The following KIF20A variants were observed in gnomAD, a reference collection of about 807,000 sequenced individuals.
KIF20A encodes the protein kinesin family member 20A.
In KIF20A, 66 loss-of-function variants were observed where a neutral mutation model predicts 113.0. The ratio of observed to expected loss-of-function variants is 0.58; its 90% confidence interval spans 0.48 to 0.72. The LOEUF is 0.72. Ranked by LOEUF, KIF20A falls within the 30% of genes least tolerant of loss-of-function variation. KIF20A has a pLI of 0.00. For synonymous variants in KIF20A, 376 were observed against 402.3 expected (o/e 0.93, Z 0.78); for missense variants, 927 against 1,077.6 (o/e 0.86, Z 1.96).
At position 138,182,417 on chromosome 5, in the gene KIF20A, A is replaced by G; in HGVS notation, c.470A>G (p.Tyr157Cys). The G allele has an allele frequency of 6.2e-7, 1 of 1,614,228 alleles. No individual in the cohort carries two copies. The highest frequency in any genetic ancestry group is 8.5e-7 in the Non-Finnish European group (1 of 1,180,034). The change falls in exon 5 of 19, where the codon TAT becomes TGT. Residue 157 changes from tyrosine (Y) to cysteine (C), a missense_variant. Tyr to Cys is a radical substitution (Grantham distance 194). Coordinates refer to ENST00000394894, the MANE Select transcript of KIF20A (RefSeq NM_005733.3). ...CTCAAAGGGCAGAACTGGCTCATCT[A>G]TACATATGGAGTCACTAACTCAGGG... ...DVLKGQNWLI[Y>C]TYGVTNSGKT...
chr5:138,187,002 A>C (rs1754755456), intron 18 of KIF20A, 94 bp from the exon 19 acceptor site: 1 of 889,080 alleles, frequency 1.1e-6, no homozygotes, highest in East Asian at 2.6e-5. Context: ...GTTGTTAGTA[A>C]CTAGTAATGG....
rs748700722 is a variant in KIF20A, at chr5:138,182,606, A to G, written c.535A>G (p.Ile179Val). The change falls in exon 6 of 19, where the codon ATT becomes GTT. Residue 179 changes from isoleucine (I) to valine (V), a missense_variant. Coordinates refer to ENST00000394894, the MANE Select transcript of KIF20A (RefSeq NM_005733.3). The stretch of plus-strand genomic sequence containing the variant: ...TCCAGGTACCATCAAGGATGGAGGG[A>G]TTCTCCCCCGGTCCCTGGCGCTGAT... ...TIQGTIKDGG[I>V]LPRSLALIFN... 17 of 1,613,944 alleles carry G rather than the reference A, an allele frequency of 1.1e-5. No homozygotes were observed. Among genetic ancestry groups the G allele is most frequent in the Admixed American group, 1.7e-5 (1 of 59,982 alleles).
In KIF20A at chr5:138,185,588, C is replaced by T. The variant is rs1267963826; in HGVS notation, c.2003C>T (p.Ser668Leu). The T allele has an allele frequency of 1.2e-6, 2 of 1,614,190 alleles. No individual in the cohort carries two copies. Among genetic ancestry groups the T allele is most frequent in the Non-Finnish European group, 8.5e-7 (1 of 1,180,026 alleles). ...ARQQSVAHQQ[S>L]GSELALRRSQ... is the part of the protein sequence containing the mutation. Reference sequence around the variant, plus strand: ...CAACAGTCAGTGGCCCATCAGCAATCAGGGTCTGAATTGGCCCTACGGCGG... The same window carrying T: ...CAACAGTCAGTGGCCCATCAGCAATTAGGGTCTGAATTGGCCCTACGGCGG... Residue 668 changes from serine (S) to leucine (L), a missense_variant, in exon 16 of 19, where the codon TCA (serine) becomes TTA (leucine). Transcript: ENST00000394894.
chr5:138,181,819 G>A, intron 4 of KIF20A, 91 bp downstream of exon 4: 1 of 1,494,482 alleles, frequency 6.7e-7, no homozygotes. Context: ...TCCTGACTGT[G>A]AGTTCCTTGT....
At chr5:138,180,677 T>G (rs577691330) in intron 2 of KIF20A, among the ~76,000 whole-genome samples, 1 of 151,808 alleles carries the variant, frequency 6.6e-6, no homozygotes, top group South Asian at 2.1e-4. Flanking sequence ...TTTTGTTTTT[T>G]GGGTTTTTTT....
At chr5:138,187,040 G>A (rs993419071) in intron 18 of KIF20A, 56 bp from the exon 19 acceptor site, 28 of 1,372,822 alleles carry the variant, frequency 2.0e-5, no homozygotes, top group South Asian at 8.3e-5. Flanking sequence ...TAGCCCTCTC[G>A]TTTCTCTAAT....
At position 138,187,232 on chromosome 5, in the gene KIF20A, G is replaced by C. The variant is rs1420102427; in HGVS notation, c.2492G>C (p.Gly831Ala). 1 of 1,614,010 alleles carries C rather than the reference G, an allele frequency of 6.2e-7. No homozygotes were observed. Among genetic ancestry groups the C allele is most frequent in the East Asian group, 2.2e-5 (1 of 44,882 alleles). The part of the protein sequence containing the change: ...QGQVSAKKRL[G>A]TNQENQQPNQ... Reference sequence around the variant, plus strand: ...CAGGTTTCTGCCAAAAAGCGCCTTGGTACCAACCAGGAAAATCAGCAACCA... The same window carrying C: ...CAGGTTTCTGCCAAAAAGCGCCTTGCTACCAACCAGGAAAATCAGCAACCA... The change falls in exon 19 of 19, where the codon GGT (glycine) becomes GCT (alanine). Residue 831 changes from glycine to alanine, a missense_variant. Gly to Ala is a moderately conservative substitution (Grantham distance 60, BLOSUM62 0). Transcript: ENST00000394894.
rs1327955282 is a variant in KIF20A, at chr5:138,185,127, A to G, written c.1856A>G (p.Glu619Gly). 1 of 1,613,790 alleles carries G rather than the reference A, an allele frequency of 6.2e-7. No homozygotes were observed. Among genetic ancestry groups the G allele is most frequent in the East Asian group, 2.2e-5 (1 of 44,886 alleles). ...EHLDTQKELL[E>G]EMYEEKLNIL... is the part of the protein sequence containing the mutation. ...TTGGACACCCAAAAGGAACTATTGG[A>G]GGAAATGTATGAAGAAAAACTAAAT... Residue 619 changes from glutamate to glycine, a missense_variant, in exon 15 of 19, where the codon GAG becomes GGG. Physicochemically the swap from Glu to Gly is moderately conservative, Grantham distance 98. Transcript: ENST00000394894.
Position 138,181,515 on chromosome 5 carries a change from A to G in KIF20A, c.255+4A>G, listed in dbSNP as rs771147897. On this transcript the variant is annotated splice_donor_region_variant and intron_variant, in intron 3 of 18. Coordinates refer to ENST00000394894, the MANE Select transcript of KIF20A (RefSeq NM_005733.3). ...GTTGGAACGACAGGAAGATCAGGTA[A>G]GTGTCTGAGAAGGGAGGATTCAAGG... 55 of 1,614,100 alleles carry G rather than the reference A, an allele frequency of 3.4e-5. No homozygotes were observed. Among genetic ancestry groups the G allele is most frequent in the East Asian group, 6.7e-5 (3 of 44,880 alleles).
rs1754700675 is a variant in KIF20A, at chr5:138,183,857, G to T, written c.1208+101G>T. The T allele has an allele frequency of 1.3e-6, 2 of 1,577,294 alleles. No individual in the cohort carries two copies. On this transcript the variant is annotated intron_variant, in intron 10 of 18. Coordinates refer to ENST00000394894, the MANE Select transcript of KIF20A (RefSeq NM_005733.3). This position sits in a 1 kb window ranked among gnomAD's most constrained non-coding sequence, Gnocchi z 5.2. ...GGGAACTATGTGTTCTCCTTCTTTGGGTACAGAGATTCTTAGTGGGCCGTC... is the reference window on the plus strand; with the variant it reads ...GGGAACTATGTGTTCTCCTTCTTTGTGTACAGAGATTCTTAGTGGGCCGTC...
In KIF20A at chr5:138,187,168, A is replaced by G; in HGVS notation, c.2428A>G (p.Ile810Val). 3 of 1,614,076 alleles carry G rather than the reference A, an allele frequency of 1.9e-6. No individual in the cohort carries two copies. The South Asian group carries it at 3.3e-5, about 18-fold the overall frequency. ...KLDLRKKAACIAEQYHTVLKL... is the reference protein window; with the variant it reads ...KLDLRKKAACVAEQYHTVLKL... ...GGACCTTCGGAAGAAGGCAGCATGTATTGCTGAGCAGTATCATACTGTGTT... is the reference window on the plus strand; with the variant it reads ...GGACCTTCGGAAGAAGGCAGCATGTGTTGCTGAGCAGTATCATACTGTGTT... The change falls in exon 19 of 19, where the codon ATT (isoleucine) becomes GTT (valine). Residue 810 changes from isoleucine to valine, a missense_variant. Ile to Val is a conservative substitution (Grantham distance 29, BLOSUM62 3). Coordinates refer to ENST00000394894, the MANE Select transcript of KIF20A (RefSeq NM_005733.3).
In KIF20A at chr5:138,183,021, A is replaced by G. The variant is rs1013611042; in HGVS notation, c.832+31A>G. 1 of 1,613,648 alleles carries G rather than the reference A, an allele frequency of 6.2e-7. No homozygotes were observed. The highest frequency in any genetic ancestry group is 8.5e-7 in the Non-Finnish European group (1 of 1,179,856). On this transcript the variant is annotated intron_variant, in intron 7 of 18. Transcript: ENST00000394894. The surrounding 1 kb of genome is among the most constrained non-coding windows in gnomAD (Gnocchi z 5.2). ...TACCGTGACTGGGCTCTGCCAAAAA[A>G]TAGTAGGAACTCACTCCCTGTTCCT... is the stretch of plus-strand genomic sequence containing the variant.
Position 138,187,110 on chromosome 5 carries a change from T to C in KIF20A, c.2370T>C (p.Ala790=). The change falls in exon 19 of 19, where the codon GCT becomes GCC. Residue 790 remains alanine, a synonymous_variant. Coordinates refer to ENST00000394894, the MANE Select transcript of KIF20A (RefSeq NM_005733.3). ...ATCTTCCTTAGGACCAGACTCTGGC[T>C]GAACTGCAGAACAACATGGTGCTAG... is the stretch of plus-strand genomic sequence containing the variant. ...DILIKQDQTL[A]ELQNNMVLVK... 6.2e-7 allele frequency: 1 copy of C among 1,609,564 alleles called. No homozygotes were observed. The highest frequency in any genetic ancestry group is 8.5e-7 in the Non-Finnish European group (1 of 1,176,586).
intron 2 of KIF20A, 145 bp downstream of exon 2, chr5:138,179,990 A>C (rs1581476266): frequency 1.2e-6 from 1 of 830,706 alleles, no homozygotes; most frequent in Non-Finnish European, 1.7e-6. Flanking sequence ...CAAAATGGCT[A>C]TGAAAAGAAA....
Position 138,185,922 on chromosome 5 carries a change from A to C in KIF20A, c.2126-39A>C, listed in dbSNP as rs1050038802. The C allele has an allele frequency of 1.9e-6, 3 of 1,583,126 alleles. No homozygotes were observed. The African/African-American group carries it at 4.0e-5, about 21-fold the overall frequency. On this transcript the variant is annotated intron_variant, in intron 16 of 18. Transcript: ENST00000394894. ...AAAGAGGTTAGTCCAAGGCTAAAAA[A>C]ACCCCACATATTTTAAGTTTCCTGT...
At position 138,184,378 on chromosome 5, in the gene KIF20A, G is replaced by A. The variant is rs1754709811; in HGVS notation, c.1492G>A (p.Ala498Thr). The A allele has an allele frequency of 4.3e-6, 7 of 1,614,214 alleles. 1 individual carries two copies. In the East Asian group the frequency reaches 1.6e-4, roughly 36 times the overall value. The stretch of plus-strand genomic sequence containing the variant: ...TACCTATGATGAAACTCTTCATGTG[G>A]CCAAGTTCTCAGCCATTGCTAGCCA... ...ASTYDETLHV[A>T]KFSAIASQLV... Residue 498 changes from alanine to threonine, a missense_variant, in exon 12 of 19, where the codon GCC (alanine) becomes ACC (threonine). Ala to Thr is a moderately conservative substitution (Grantham distance 58, BLOSUM62 0). Transcript: ENST00000394894.
chr5:138,179,695 C>A lies in KIF20A; in HGVS notation c.15C>A (p.Ile5=). 1 of 1,614,074 alleles carries A rather than the reference C, an allele frequency of 6.2e-7. No individual in the cohort carries two copies. Among genetic ancestry groups the A allele is most frequent in the Non-Finnish European group, 8.5e-7 (1 of 1,180,024 alleles). The part of the protein sequence containing the change: MSQG[I]LSPPAGLLSD... ...CCCCTGCCGTCATGTCGCAAGGGAT[C>A]CTTTCTCCGCCAGCGGGCTTGCTGT... Residue 5 remains isoleucine (I), a synonymous_variant, in exon 2 of 19, where the codon ATC becomes ATA. Coordinates refer to ENST00000394894, the MANE Select transcript of KIF20A (RefSeq NM_005733.3).
chr5:138,182,525 G>T, intron 5 of KIF20A, 61 bp from the exon 6 acceptor site: 1 of 1,612,250 alleles, frequency 6.2e-7, no homozygotes, highest in South Asian at 1.1e-5. Context: ...TACCTTTTGA[G>T]ACTCTGAGTT....
At position 138,184,636 on chromosome 5, in the gene KIF20A, A is replaced by G; in HGVS notation, c.1643A>G (p.Asp548Gly). ...AAGGCAGACACAGGCCTTGATGATG[A>G]TATTGAAAATGAAGCTGACATCTCC... ...GAKADTGLDD[D>G]IENEADISMY... Residue 548 changes from aspartate (D) to glycine (G), a missense_variant, in exon 13 of 19, where the codon GAT (aspartate) becomes GGT (glycine). Transcript: ENST00000394894. 6.2e-7 allele frequency: 1 copy of G among 1,614,196 alleles called. No individual in the cohort carries two copies. Among genetic ancestry groups the G allele is most frequent in the Non-Finnish European group, 8.5e-7 (1 of 1,180,006 alleles).
Sources: gnomAD v4.1 joint callset for allele counts (sites outside exome capture counted in the v4.1 genomes callset) on GRCh38, gnomAD v4.1.1 for gene constraint, Gnocchi (gnomAD v3.1) non-coding constraint, MANE v1.5 for transcripts, NCBI Gene and HGNC (gene_info 2026-07-23, HGNC 2026-07-21) for gene names.